Variants in PTPN2 observed in about 807,000 individuals in gnomAD.
PTPN2 encodes protein tyrosine phosphatase non-receptor type 2, also known as tyrosine-protein phosphatase non-receptor type 2.
PTPN2 carries 19 observed loss-of-function variants against 57.3 expected under a neutral mutation model. That is an observed-to-expected ratio of 0.33 (90% CI 0.23 to 0.49). The LOEUF (loss-of-function observed/expected upper bound fraction) is 0.49, where lower values mean the gene tolerates loss of function less well. PTPN2 is among the 20% of genes least tolerant of loss of function. The pLI, the probability that PTPN2 is intolerant of heterozygous loss-of-function variation, is 0.99. For missense variants in PTPN2, 358 were observed against 501.1 expected (o/e 0.71, Z 2.73); for synonymous variants, 153 against 164.9 (o/e 0.93, Z 0.55).
At chr18:12,831,177 T>A (rs747153562) in intron 3 of PTPN2, 136 bp from the exon 4 acceptor site, 19 of 539,718 alleles carry the variant, frequency 3.5e-5, no homozygotes, top group Non-Finnish European at 6.2e-5. Flanking sequence ...AAACCAAGAC[T>A]TCCAATCTAC....
rs569407628 is a variant in PTPN2, at chr18:12,881,780, ACT to A, written c.69+2291_69+2292del. Among the ~76,000 whole-genome samples the A allele has an allele frequency of 3.4e-3, 520 of 152,238 alleles. 3 individuals carry two copies. The highest frequency in any genetic ancestry group is 6.8e-3 in the Middle Eastern group (2 of 294). The stretch of plus-strand genomic sequence containing the variant: ...TTGGGAAATACAGGACTCCTAGGTA[ACT>A]CAACTCCACAAGACCCTGTGCTTCA... On this transcript the variant is annotated intron_variant, in intron 1 of 8. Coordinates refer to ENST00000309660, the MANE Select transcript of PTPN2 (RefSeq NM_002828.4).
At position 12,801,981 on chromosome 18, in the gene PTPN2, C is replaced by G. The variant is rs2041446916; in HGVS notation, c.1029G>C (p.Glu343Asp). The G allele has an allele frequency of 6.2e-7, 1 of 1,601,916 alleles. No homozygotes were observed. The highest frequency in any genetic ancestry group is 1.7e-5 in the Admixed American group (1 of 58,052). Residue 343 changes from glutamate to aspartate, a missense_variant, in exon 8 of 9, where the codon GAG becomes GAC. Glu to Asp is a conservative substitution (Grantham distance 45). Transcript: ENST00000309660. ...LSSKMQDTME[E>D]NSESALRKRI... ...TATAGAAAGCTTACCTCTCACTGTT[C>G]TCCTCCATTGTATCTTGCATTTTAG...
intron 1 of PTPN2, among the ~76,000 whole-genome samples, chr18:12,881,372 G>A (rs2044663348): frequency 6.6e-6 from 1 of 152,286 alleles, no homozygotes; most frequent in African/African-American, 2.4e-5. Flanking sequence ...AGGAGGCAGA[G>A]GTTGCAGTGA....
chr18:12,835,666 G>A lies in PTPN2; in HGVS notation c.261+1125C>T, dbSNP rs141179025. On this transcript the variant is annotated intron_variant, in intron 3 of 8. Transcript: ENST00000309660. Reference sequence around the variant, plus strand: ...GCTGGGATTACAGGTGTGAGCCTCCGCGCCTGGCCGATCACATATATCTTT... The same window carrying A: ...GCTGGGATTACAGGTGTGAGCCTCCACGCCTGGCCGATCACATATATCTTT... Among the ~76,000 whole-genome samples, 1,012 of 152,156 alleles carry A rather than the reference G, an allele frequency of 6.7e-3. 11 individuals are homozygous for A. The highest frequency in any genetic ancestry group is 0.02 in the African/African-American group (847 of 41,514).
chr18:12,814,359 C>A lies in PTPN2; in HGVS notation c.706-4G>T, dbSNP rs116113320. The stretch of plus-strand genomic sequence containing the variant: ...TAATATCATCTCCTTTTTCCATCTG[C>A]AAGAAAGGCAAAAAATGAGACAAGT... On this transcript the variant is annotated splice_region_variant and splice_polypyrimidine_tract_variant and intron_variant, in intron 6 of 8. Transcript: ENST00000309660. 1.3e-5 allele frequency: 20 copies of A among 1,570,462 alleles called. No individual in the cohort carries two copies. In the Admixed American group the frequency reaches 1.6e-4, roughly 13 times the overall value.
At chr18:12,803,113 G>T (rs918252384) in intron 7 of PTPN2, among the ~76,000 whole-genome samples, 1 of 152,128 alleles carries the variant, frequency 6.6e-6, no homozygotes, top group Admixed American at 6.5e-5. Context: ...TAAGTTGTGG[G>T]GGGAGGGTAA....
chr18:12,874,459 G>T (rs1181318263), intron 1 of PTPN2, among the ~76,000 whole-genome samples: 1 of 142,242 alleles, frequency 7.0e-6, no homozygotes, highest in South Asian at 2.3e-4. Flanking sequence ...GGTGAGGGGC[G>T]CCTCTGCCCG....
intron 1 of PTPN2, among the ~76,000 whole-genome samples, chr18:12,879,644 C>T (rs2044603914): frequency 6.6e-6 from 1 of 152,190 alleles, no homozygotes. Flanking sequence ...CTCCTATTAT[C>T]AAACTCATGA....
At chr18:12,808,681 T>C (rs1371479682) in intron 7 of PTPN2, among the ~76,000 whole-genome samples, 6 of 152,170 alleles carry the variant, frequency 3.9e-5, no homozygotes, top group Non-Finnish European at 7.4e-5. Context: ...CTCGGGAGGC[T>C]GAGGTAGGAG....
In PTPN2 at chr18:12,870,462, T is replaced by TAGAGAGAG. The variant is rs762120431; in HGVS notation, c.70-11216_70-11209dup. 2.9e-3 allele frequency among the ~76,000 whole-genome samples: 51 copies of TAGAGAGAG among 17,704 alleles called. 3 individuals are homozygous for TAGAGAGAG. The highest frequency in any genetic ancestry group is 0.033 in the Middle Eastern group (1 of 30). 11.6% of individuals were successfully genotyped at this position (17,704 alleles called of 152,430 possible). A position where few individuals can be genotyped will look rare whatever the true frequency, so the allele number is the denominator to read the frequency against. On this transcript the variant is annotated intron_variant, in intron 1 of 8. Transcript: ENST00000309660. ...ATGTGTATATATATATATATATATATAGAGAGAGAGAGAGAGAGAGAGAGA... is the reference window on the plus strand; with the variant it reads ...ATGTGTATATATATATATATATATATAGAGAGAGAGAGAGAGAGAGAGAGAGAGAGAGA...
At chr18:12,880,352 T>C (rs2044628871) in intron 1 of PTPN2, 2 of 152,222 alleles carry the variant, frequency 1.3e-5, no homozygotes, top group African/African-American at 4.8e-5. Flanking sequence ...GGGCTGAATT[T>C]ACACTGTGAG....
At chr18:12,799,588 AT>A (rs113551012) in intron 8 of PTPN2, among the ~76,000 whole-genome samples, 3,796 of 143,844 alleles carry the variant, frequency 0.026, 129 homozygotes, top group African/African-American at 0.084. Flanking sequence ...CTTCTTTTAC[AT>A]TTTTTTTTTT....
At chr18:12,798,586 T>A (rs564967893) in intron 8 of PTPN2, among the ~76,000 whole-genome samples, 2 of 152,332 alleles carry the variant, frequency 1.3e-5, no homozygotes, top group African/African-American at 4.8e-5. Flanking sequence ...AAGGACATGA[T>A]CTCATTCTTT....
At chr18:12,849,372 A>G (rs1760466356) in intron 2 of PTPN2, among the ~76,000 whole-genome samples, 1 of 152,216 alleles carries the variant, frequency 6.6e-6, no homozygotes, top group African/African-American at 2.4e-5. Context: ...CAGCCTGACA[A>G]ACATGGTGAA....
intron 8 of PTPN2, among the ~76,000 whole-genome samples, chr18:12,797,079 ACT>A (rs1474520524): frequency 2.6e-5 from 4 of 152,010 alleles, no homozygotes. Flanking sequence ...CTCAGAATTC[ACT>A]CTCTGAATTG....
chr18:12,789,468 G>T (rs1262633086), downstream of PTPN2, among the ~76,000 whole-genome samples: 1 of 152,194 alleles, frequency 6.6e-6, no homozygotes, highest in Non-Finnish European at 1.5e-5. Context: ...CCAAATAAGG[G>T]TTTCTTAAAA....
intron 8 of PTPN2, among the ~76,000 whole-genome samples, chr18:12,798,890 C>A (rs796159965): frequency 3.1e-4 from 47 of 152,280 alleles, no homozygotes; most frequent in African/African-American, 1.1e-3. Context: ...TTTAAGCATT[C>A]CTTTTTCTCC....
At chr18:12,819,091 T>C (rs2042181362) in intron 5 of PTPN2, 1 of 391,864 alleles carries the variant, frequency 2.6e-6, no homozygotes, top group Non-Finnish European at 4.4e-6. Context: ...CGAAACTCCA[T>C]CTCAAAAAAA....
At chr18:12,827,437 C>T (rs928950237) in intron 4 of PTPN2, among the ~76,000 whole-genome samples, 2 of 151,232 alleles carry the variant, frequency 1.3e-5, no homozygotes, top group South Asian at 4.2e-4. Flanking sequence ...TCTGTAGTAG[C>T]CCAGGCTGGA....
Sources: gnomAD v4.1 joint callset for allele counts (sites outside exome capture counted in the v4.1 genomes callset) on GRCh38, gnomAD v4.1.1 for gene constraint, MANE v1.5 for transcripts, NCBI Gene and HGNC (gene_info 2026-07-23, HGNC 2026-07-21) for gene names.